The following CNTNAP2 variants were observed in gnomAD, a reference collection of about 807,000 sequenced individuals.
The protein encoded by CNTNAP2 is contactin associated protein 2, also known as contactin-associated protein-like 2.
CNTNAP2 carries 98 observed loss-of-function variants against 155.2 expected under a neutral mutation model. The ratio of observed to expected loss-of-function variants is 0.63; its 90% CI spans 0.54 to 0.75. The LOEUF (loss-of-function observed/expected upper bound fraction) is 0.75. Ranked by LOEUF, CNTNAP2 falls within the 30% of genes least tolerant of loss-of-function variation. The probability of loss-of-function intolerance (pLI) is 0.00; values close to 1 mark genes in which losing one functional copy is unlikely to be tolerated. For synonymous variants in CNTNAP2, 651 were observed against 631.2 expected (o/e 1.03, Z -0.47); for missense variants, 1,727 against 1,688.1 (o/e 1.02, Z -0.40).
chr7:148,292,622 A>C (rs900620949), intron 21 of CNTNAP2, among the ~76,000 whole-genome samples: 3 of 152,180 alleles, frequency 2.0e-5, no homozygotes, highest in Non-Finnish European at 2.9e-5. Flanking sequence ...TAGCAAGCTC[A>C]GGTTAGCCAC....
At chr7:148,119,435 G>C (rs1046688025) in intron 16 of CNTNAP2, among the ~76,000 whole-genome samples, 14 of 152,144 alleles carry the variant, frequency 9.2e-5, no homozygotes, top group South Asian at 6.2e-4. Flanking sequence ...GGGAGGCTGA[G>C]GCAGGAGAAT....
intron 1 of CNTNAP2, among the ~76,000 whole-genome samples, chr7:146,497,215 T>A (rs1797231688): frequency 6.6e-6 from 1 of 152,190 alleles, no homozygotes; most frequent in South Asian, 2.1e-4. Flanking sequence ...TGGGTTAAAG[T>A]TGTGTCTATT....
chr7:148,136,349 T>C (rs1325391367), intron 16 of CNTNAP2, among the ~76,000 whole-genome samples: 1 of 151,976 alleles, frequency 6.6e-6, no homozygotes, highest in Non-Finnish European at 1.5e-5. Flanking sequence ...GCTCTTCCCA[T>C]GGTAATGAGT....
intron 9 of CNTNAP2, among the ~76,000 whole-genome samples, chr7:147,364,825 G>A (rs1476707741): frequency 6.6e-6 from 1 of 151,904 alleles, no homozygotes. Flanking sequence ...CTCCAGCCTG[G>A]GCGACGGAGT....
chr7:147,710,191 A>T (rs1796382502), intron 13 of CNTNAP2, among the ~76,000 whole-genome samples: 4 of 152,190 alleles, frequency 2.6e-5, no homozygotes, highest in Admixed American at 2.6e-4. Flanking sequence ...AATTACATTT[A>T]CAACTCTTTA....
At chr7:146,655,723 GTATTGC>G (rs1056758681) in intron 1 of CNTNAP2, among the ~76,000 whole-genome samples, 3 of 152,028 alleles carry the variant, frequency 2.0e-5, no homozygotes, top group Admixed American at 2.0e-4. Flanking sequence ...ATTGGAAAAT[GTATTGC>G]TATTTGATTT....
At chr7:146,244,509 C>T (rs1417707080) in intron 1 of CNTNAP2, among the ~76,000 whole-genome samples, 1 of 152,172 alleles carries the variant, frequency 6.6e-6, no homozygotes, top group Non-Finnish European at 1.5e-5. Flanking sequence ...GAGGACAGGT[C>T]TGACTTCTGA....
intron 11 of CNTNAP2, among the ~76,000 whole-genome samples, chr7:147,500,118 G>A (rs1852711): frequency 0.1 from 15,363 of 151,312 alleles, 890 homozygotes; most frequent in Middle Eastern, 0.17. Flanking sequence ...GTAAGCAGAA[G>A]TGATTTCATT....
chr7:147,687,750 G>A (rs1796034674), intron 13 of CNTNAP2, among the ~76,000 whole-genome samples: 1 of 152,090 alleles, frequency 6.6e-6, no homozygotes, highest in Non-Finnish European at 1.5e-5. Flanking sequence ...AGCAAATTAA[G>A]AGCATGAGGA....
At chr7:146,672,953 A>G (rs990052) in intron 1 of CNTNAP2, among the ~76,000 whole-genome samples, 2,502 of 152,212 alleles carry the variant, frequency 0.016, 69 homozygotes, top group African/African-American at 0.058. Flanking sequence ...GTAATTTTCC[A>G]CTTAAAACTA....
At chr7:146,748,710 T>A (rs1233126851) in intron 1 of CNTNAP2, among the ~76,000 whole-genome samples, 2 of 152,168 alleles carry the variant, frequency 1.3e-5, no homozygotes, top group African/African-American at 4.8e-5. Flanking sequence ...ATGAAGCTTT[T>A]CAACAAGGAG....
chr7:147,161,514 G>A (rs1584764087), intron 8 of CNTNAP2: 1 of 152,206 alleles, frequency 6.6e-6, no homozygotes, highest in African/African-American at 2.4e-5. Context: ...ATGTATGTGG[G>A]GATCCACCCA....
At chr7:146,515,593 G>A (rs700289) in intron 1 of CNTNAP2, among the ~76,000 whole-genome samples, 4,297 of 152,054 alleles carry the variant, frequency 0.028, 200 homozygotes, top group African/African-American at 0.098. Context: ...CACTTTTGTT[G>A]CTCTTCCTAT....
At chr7:146,133,553 T>C (rs1229161898) in intron 1 of CNTNAP2, among the ~76,000 whole-genome samples, 5 of 152,208 alleles carry the variant, frequency 3.3e-5, no homozygotes, top group East Asian at 3.9e-4. Context: ...TTAGGTCTAA[T>C]GTTTAAGTCT....
intron 1 of CNTNAP2, among the ~76,000 whole-genome samples, chr7:146,206,206 C>T (rs2116876179): frequency 6.6e-6 from 1 of 151,334 alleles, no homozygotes; most frequent in Admixed American, 6.6e-5. Context: ...TTGAACCATT[C>T]CAGCAAAATT....
chr7:146,622,170 C>CGTATATATATACACACAT (rs1563160389), intron 1 of CNTNAP2, among the ~76,000 whole-genome samples: 4 of 147,452 alleles, frequency 2.7e-5, no homozygotes, highest in African/African-American at 1.0e-4. Flanking sequence ...TATACACACA[C>CGTATATATATACACACAT]GTATATATAT....
intron 9 of CNTNAP2, among the ~76,000 whole-genome samples, chr7:147,378,545 C>A (rs1282695970): frequency 1.3e-5 from 2 of 151,810 alleles, no homozygotes; most frequent in East Asian, 3.9e-4. Flanking sequence ...TTTGTGGGAG[C>A]TAAAAATTAA....
chr7:147,909,299 G>A (rs749660160), intron 14 of CNTNAP2, among the ~76,000 whole-genome samples: 1 of 151,976 alleles, frequency 6.6e-6, no homozygotes, highest in African/African-American at 2.4e-5. Context: ...TTTTTAACTA[G>A]CTTATATGTA....
intron 8 of CNTNAP2, among the ~76,000 whole-genome samples, chr7:147,273,167 G>C (rs564135572): frequency 1.4e-4 from 21 of 152,196 alleles, no homozygotes; most frequent in African/African-American, 5.1e-4. Flanking sequence ...CAATCTAAAC[G>C]GGCGGGATTG....
Sources: allele counts gnomAD v4.1 joint callset (sites outside exome capture counted in the v4.1 genomes callset), GRCh38; gene constraint gnomAD v4.1.1; transcripts MANE v1.5; gene names NCBI Gene and HGNC (gene_info 2026-07-23, HGNC 2026-07-21).